LRRN2: variants seen among roughly 807,000 people sequenced by gnomAD.
LRRN2 encodes leucine-rich repeat neuronal protein 2.
A neutral mutation model predicts 35.7 loss-of-function variants in LRRN2; 10 were observed. The observed-to-expected ratio is 0.28, with a 90% CI of 0.17 to 0.47. The LOEUF (loss-of-function observed/expected upper bound fraction) is 0.47. Among genes scored for constraint, LRRN2 ranks in the 20% least tolerant of loss-of-function variants. The pLI is 0.99. For missense variants in LRRN2, 731 were observed against 940.3 expected (o/e 0.78, Z 2.91); for synonymous variants, 391 against 409.6 (o/e 0.95, Z 0.55).
At position 204,664,549 on chromosome 1, in the gene LRRN2, C is replaced by T. The variant is rs1346309009; in HGVS notation, c.-227+20771G>A. ...TTAAAACCAACCTCATCCCTTCCCA[C>T]CTCCTCAGGAAACTCACTCCTTTGC... On this transcript the variant is annotated intron_variant, in intron 1 of 1. Transcript: ENST00000367177. The T allele has an allele frequency of 2.6e-5, 4 of 152,268 alleles. No homozygotes were observed. In the East Asian group the frequency reaches 5.8e-4, roughly 22 times the overall value. 9.4% of individuals were successfully genotyped at this position (152,268 alleles called of 1,614,324 possible).
intron 1 of LRRN2, among the ~76,000 whole-genome samples, chr1:204,670,985 CT>C (rs1266493934): frequency 6.6e-6 from 1 of 152,092 alleles, no homozygotes; most frequent in Non-Finnish European, 1.5e-5. Flanking sequence ...TGTTGTTTTG[CT>C]TGTTGAAGAC....
intron 1 of LRRN2, among the ~76,000 whole-genome samples, chr1:204,625,174 T>C (rs1667244587): frequency 6.6e-6 from 1 of 152,208 alleles, no homozygotes; most frequent in Non-Finnish European, 1.5e-5. Context: ...CTCTGCTGTT[T>C]GCTGTGTGAC....
chr1:204,639,959 TAAC>T (rs1228765236), intron 1 of LRRN2, among the ~76,000 whole-genome samples: 3 of 152,268 alleles, frequency 2.0e-5, no homozygotes, highest in South Asian at 2.1e-4. Context: ...TTATATATAT[TAAC>T]AACAGCTTTG....
intron 1 of LRRN2, among the ~76,000 whole-genome samples, chr1:204,680,596 A>G (rs1668925862): frequency 6.6e-6 from 1 of 152,216 alleles, no homozygotes; most frequent in Admixed American, 6.5e-5. Context: ...GCGGGCTTAG[A>G]ACGTGCAGGA....
intron 1 of LRRN2, among the ~76,000 whole-genome samples, chr1:204,633,826 G>T (rs758256654): frequency 6.6e-6 from 1 of 152,200 alleles, no homozygotes; most frequent in Non-Finnish European, 1.5e-5. Flanking sequence ...TTCAAGCTCC[G>T]TTGGGCCTGG....
intron 1 of LRRN2, among the ~76,000 whole-genome samples, chr1:204,635,366 TG>T (rs1667808587): frequency 6.6e-6 from 1 of 152,190 alleles, no homozygotes; most frequent in African/African-American, 2.4e-5. Flanking sequence ...GCCCCAACCT[TG>T]TTCTCATCCT....
Position 204,619,690 on chromosome 1 carries a change from G to T in LRRN2, c.303C>A (p.Ser101=). The T allele has an allele frequency of 1.2e-6, 2 of 1,614,200 alleles. No individual in the cohort carries two copies. Among genetic ancestry groups the T allele is most frequent in the Non-Finnish European group, 1.7e-6 (2 of 1,180,000 alleles). ...CTCGGGCATCCGAAAAGCTGTTCTG[G>T]GACAGGTCCAGCTCTGTGAGATTGG... ...YLANLTELDL[S]QNSFSDARDC... is the part of the protein sequence containing the mutation. The change falls in exon 2 of 2, where the codon TCC becomes TCA. Residue 101 remains serine (S), a synonymous_variant. Transcript: ENST00000367177.
At chr1:204,652,820 G>A (rs570275192) in intron 1 of LRRN2, among the ~76,000 whole-genome samples, 38 of 152,320 alleles carry the variant, frequency 2.5e-4, no homozygotes, top group South Asian at 4.1e-4. Context: ...AGGCAGCTGG[G>A]TCTGCCTCCT....
intron 1 of LRRN2, among the ~76,000 whole-genome samples, chr1:204,649,789 C>T (rs1217519594): frequency 1.3e-5 from 2 of 152,134 alleles, no homozygotes; most frequent in Admixed American, 6.5e-5. Flanking sequence ...GAGCCCTCTC[C>T]CGGCTGCAGA....
chr1:204,620,134 TC>T lies in LRRN2; in HGVS notation c.-143del. 1 of 1,460,988 alleles carries T rather than the reference TC, an allele frequency of 6.8e-7. No individual in the cohort carries two copies. Among genetic ancestry groups the T allele is most frequent in the South Asian group, 1.5e-5 (1 of 68,612 alleles). The allele number at this position is 1,460,988 out of a possible 1,614,324, so 90.5% of individuals were successfully genotyped here. The stretch of plus-strand genomic sequence containing the variant: ...CAGTCATTCTACACCGGGCGTCACT[TC>T]TTGCCCTCCTCAATATGCCTTCTCT... On this transcript the variant is annotated 5_prime_UTR_variant, in exon 2 of 2. An upstream open reading frame in the 5' UTR loses its in-frame stop. Transcript: ENST00000367177.
At chr1:204,663,159 C>T (rs559831259) in intron 1 of LRRN2, among the ~76,000 whole-genome samples, 24 of 152,324 alleles carry the variant, frequency 1.6e-4, no homozygotes, top group Non-Finnish European at 2.8e-4. Context: ...GAAGCATCAA[C>T]TGATACTGGG....
At chr1:204,662,478 C>T (rs1446725569) in intron 1 of LRRN2, among the ~76,000 whole-genome samples, 1 of 152,236 alleles carries the variant, frequency 6.6e-6, no homozygotes, top group Non-Finnish European at 1.5e-5. Flanking sequence ...GGCCACAACT[C>T]ACAGTGGAAT....
intron 1 of LRRN2, among the ~76,000 whole-genome samples, chr1:204,672,424 C>A (rs1438241701): frequency 6.6e-6 from 1 of 152,174 alleles, no homozygotes; most frequent in Admixed American, 6.5e-5. Context: ...GAGATCATGA[C>A]CCTTTAGCCC....
intron 1 of LRRN2, among the ~76,000 whole-genome samples, chr1:204,650,816 G>A (rs1381742582): frequency 2.0e-5 from 3 of 152,086 alleles, no homozygotes; most frequent in Non-Finnish European, 2.9e-5. Flanking sequence ...ATTTTACTTG[G>A]GGGGATAGAT....
chr1:204,629,613 C>T lies in LRRN2; in HGVS notation c.-226-9395G>A, dbSNP rs190906057. 13 of 173,896 alleles carry T rather than the reference C, an allele frequency of 7.5e-5. 1 individual carries two copies. The South Asian group carries it at 9.7e-4, about 13-fold the overall frequency. The allele number at this position is 173,896 out of a possible 1,614,324, so 10.8% of individuals were successfully genotyped here. ...TTGCATCTTCCTCATTTTCTCTTGC[C>T]GCCACCATGTAAGAAGTGCCTTTCA... On this transcript the variant is annotated intron_variant, in intron 1 of 1. Coordinates refer to ENST00000367177, the MANE Select transcript of LRRN2 (RefSeq NM_201630.2).
chr1:204,619,676 G>A lies in LRRN2; in HGVS notation c.317C>T (p.Ser106Leu), dbSNP rs769194983. Residue 106 changes from serine to leucine, a missense_variant, in exon 2 of 2, where the codon TCG (serine) becomes TTG (leucine). This residue lies in a region of LRRN2 where 246 missense variants were observed against 289.5 expected (regional missense o/e 0.85). Transcript: ENST00000367177. The part of the protein sequence containing the change: ...TELDLSQNSF[S>L]DARDCDFHAL... ...ATGGAAATCACAGTCTCGGGCATCC[G>A]AAAAGCTGTTCTGGGACAGGTCCAG... The A allele has an allele frequency of 1.4e-5, 22 of 1,614,082 alleles. No individual in the cohort carries two copies. Among genetic ancestry groups the A allele is most frequent in the Admixed American group, 1.2e-4 (7 of 60,012 alleles).
At chr1:204,624,467 T>C (rs1374674008) in intron 1 of LRRN2, among the ~76,000 whole-genome samples, 1 of 152,158 alleles carries the variant, frequency 6.6e-6, no homozygotes, top group Non-Finnish European at 1.5e-5. Context: ...GGCAAGTTTC[T>C]CTCTTGGAAA....
chr1:204,670,412 A>G (rs1226851615), intron 1 of LRRN2, among the ~76,000 whole-genome samples: 1 of 152,182 alleles, frequency 6.6e-6, no homozygotes, highest in African/African-American at 2.4e-5. Context: ...GGCTTTCAGT[A>G]TGTCAAGTCT....
At chr1:204,682,344 G>A (rs954271733) in intron 1 of LRRN2, among the ~76,000 whole-genome samples, 3 of 152,120 alleles carry the variant, frequency 2.0e-5, no homozygotes, top group African/African-American at 4.8e-5. Flanking sequence ...TCACACAACC[G>A]TTCAGCAAAT....
Sources: allele counts gnomAD v4.1 joint callset (sites outside exome capture counted in the v4.1 genomes callset), GRCh38; gene constraint gnomAD v4.1.1; regional missense constraint gnomAD v4.1.1; transcripts MANE v1.5; gene names NCBI Gene and HGNC (gene_info 2026-07-23, HGNC 2026-07-21).